The following SLC9B1 variants were observed in gnomAD, a reference collection of about 807,000 sequenced individuals.
SLC9B1 encodes solute carrier family 9 member B1, also known as sodium/hydrogen exchanger 9B1.
SLC9B1 carries 32 observed loss-of-function variants against 51.7 expected under a neutral mutation model. That is an observed-to-expected ratio of 0.62 (90% CI 0.47 to 0.83). The LOEUF (loss-of-function observed/expected upper bound fraction) is 0.83. SLC9B1 is among the 40% of genes least tolerant of loss of function. SLC9B1 has a pLI of 0.00. For missense variants in SLC9B1, 406 were observed against 613.2 expected, an observed-to-expected ratio of 0.66 and a Z score of 3.57; for synonymous variants, 145 against 212.7, an observed-to-expected ratio of 0.68 and a Z score of 2.77.
chr4:102,962,650 C>T (rs1446905081), intron 3 of SLC9B1: 2 of 468,936 alleles, frequency 4.3e-6, no homozygotes, highest in African/African-American at 4.0e-5. Flanking sequence ...TTGGGAGCTG[C>T]ATCAATCACA....
intron 1 of SLC9B1, chr4:103,015,069 CTG>C: frequency 6.6e-6 from 1 of 152,204 alleles, no homozygotes; most frequent in East Asian, 1.9e-4. Flanking sequence ...TATCCCAGCT[CTG>C]TAAGGCTACA....
rs1308976993 is a variant in SLC9B1 at position 102,991,679 on chromosome 4, C to T, written c.33G>A (p.Leu11=). The part of the protein sequence containing the change: MHTTESKNEH[L]EDENFQTSTT... ...TAGATGTTTGGAAGTTTTCATCCTC[C>T]AAATGTTCATTTTTTGATTCTGTGG... Residue 11 remains leucine (L), a synonymous_variant, in exon 2 of 12, where the codon TTG becomes TTA. Coordinates refer to ENST00000296422, the MANE Select transcript of SLC9B1 (RefSeq NM_139173.4). 1.9e-6 allele frequency: 3 copies of T among 1,589,050 alleles called. No homozygotes were observed. Among genetic ancestry groups the T allele is most frequent in the Non-Finnish European group, 2.6e-6 (3 of 1,165,952 alleles).
chr4:102,963,550 T>C (rs1738255095), intron 3 of SLC9B1, among the ~76,000 whole-genome samples: 1 of 152,222 alleles, frequency 6.6e-6, no homozygotes, highest in African/African-American at 2.4e-5. Flanking sequence ...CTCACTCCCT[T>C]TCTTCATGCT....
In SLC9B1 at chr4:103,019,689, G is replaced by A. The variant is rs1741651866; in HGVS notation, c.-92C>T. 2.0e-6 allele frequency: 2 copies of A among 985,530 alleles called. No homozygotes were observed. The highest frequency in any genetic ancestry group is 4.7e-5 in the South Asian group (1 of 21,308). The allele number at this position is 985,530 out of a possible 1,614,324, so 61.0% of individuals were successfully genotyped here. ...AGCCACGCGCCACCCAGGTGGGCAG[G>A]GTGGTGACGCGAAAGCCCGGATAGA... On this transcript the variant is annotated 5_prime_UTR_variant, in exon 1 of 12. Transcript: ENST00000296422.
At chr4:102,990,262 T>C (rs557423207) in intron 2 of SLC9B1, among the ~76,000 whole-genome samples, 6 of 152,158 alleles carry the variant, frequency 3.9e-5, no homozygotes, top group African/African-American at 1.4e-4. Flanking sequence ...CCAAAGATTA[T>C]TCACCAAAAC....
At chr4:102,979,540 A>G (rs149132644) in intron 3 of SLC9B1, among the ~76,000 whole-genome samples, 2 of 152,222 alleles carry the variant, frequency 1.3e-5, no homozygotes, top group Non-Finnish European at 2.9e-5. Flanking sequence ...AGCTTTCCAG[A>G]CAGGAGGAGA....
chr4:102,929,430 A>G (rs1157643341), intron 7 of SLC9B1, among the ~76,000 whole-genome samples: 1 of 152,222 alleles, frequency 6.6e-6, no homozygotes, highest in African/African-American at 2.4e-5. Flanking sequence ...GGAACTTAGA[A>G]CAAGAGCCAA....
At chr4:102,943,656 C>T (rs1353287585) in intron 6 of SLC9B1, among the ~76,000 whole-genome samples, 1 of 152,116 alleles carries the variant, frequency 6.6e-6, no homozygotes, top group Non-Finnish European at 1.5e-5. Flanking sequence ...AAAAACCAAA[C>T]ATTGTATGTT....
At chr4:102,885,170 T>A (rs1733842060) in exon 12 of SLC9B1, 1 of 1,456,056 alleles carries the variant, frequency 6.9e-7, no homozygotes, top group Non-Finnish European at 9.6e-7. Context: ...CTATTTTGAA[T>A]TCTTTTCCAA....
intron 9 of SLC9B1, among the ~76,000 whole-genome samples, chr4:102,910,095 A>G (rs1735267302): frequency 6.6e-6 from 1 of 152,158 alleles, no homozygotes; most frequent in Admixed American, 6.6e-5. Context: ...GATTACAGGC[A>G]TGAGCCACCG....
At chr4:102,968,651 G>A (rs1393916950) in intron 3 of SLC9B1, among the ~76,000 whole-genome samples, 1 of 152,212 alleles carries the variant, frequency 6.6e-6, no homozygotes, top group East Asian at 1.9e-4. Flanking sequence ...TCCAACTGAG[G>A]TACCTGGTTC....
chr4:102,989,672 G>T, intron 3 of SLC9B1, 128 bp downstream of exon 3: 1 of 530,486 alleles, frequency 1.9e-6, no homozygotes, highest in South Asian at 4.1e-5. Flanking sequence ...TTCACATATT[G>T]CTTGTAACAA....
intron 3 of SLC9B1, among the ~76,000 whole-genome samples, chr4:102,983,845 T>C (rs1183803320): frequency 6.6e-6 from 1 of 152,126 alleles, no homozygotes; most frequent in African/African-American, 2.4e-5. Context: ...TTTTGTTTCA[T>C]TGAATTTATT....
At chr4:102,950,976 CAA>C (rs976098699) in intron 3 of SLC9B1, among the ~76,000 whole-genome samples, 3 of 152,230 alleles carry the variant, frequency 2.0e-5, no homozygotes, top group African/African-American at 7.2e-5. Context: ...GCCTAGGTAA[CAA>C]GAGCAAAACT....
chr4:103,018,081 AC>A (rs1741488840), intron 1 of SLC9B1, among the ~76,000 whole-genome samples: 1 of 152,224 alleles, frequency 6.6e-6, no homozygotes, highest in Non-Finnish European at 1.5e-5. Flanking sequence ...TGTTCCAGGT[AC>A]TATTCAATCT....
chr4:102,932,089 G>T (rs1736486201), intron 7 of SLC9B1, 35 bp downstream of exon 7: 1 of 1,600,460 alleles, frequency 6.2e-7, no homozygotes, highest in Non-Finnish European at 8.5e-7. Context: ...AAAAGGTCAT[G>T]AATGATCTAG....
chr4:102,977,291 A>G (rs1293965749), intron 3 of SLC9B1, among the ~76,000 whole-genome samples: 7 of 125,546 alleles, frequency 5.6e-5, no homozygotes, highest in Non-Finnish European at 9.7e-5. Flanking sequence ...AGACAATATT[A>G]TAACTTAAAA....
chr4:102,962,967 T>C, intron 3 of SLC9B1: 2 of 462,340 alleles, frequency 4.3e-6, no homozygotes, highest in Middle Eastern at 3.3e-4. Flanking sequence ...ATGGAATCCA[T>C]CTTGAATGTT....
At chr4:102,959,580 C>T (rs1737989121) in intron 3 of SLC9B1, among the ~76,000 whole-genome samples, 1 of 152,126 alleles carries the variant, frequency 6.6e-6, no homozygotes, top group Non-Finnish European at 1.5e-5. Flanking sequence ...CTAATTACAT[C>T]ATGGATTCTC....
Sources: gnomAD v4.1 joint callset for allele counts (sites outside exome capture counted in the v4.1 genomes callset) on GRCh38, gnomAD v4.1.1 for gene constraint, MANE v1.5 for transcripts, NCBI Gene and HGNC (gene_info 2026-07-23, HGNC 2026-07-21) for gene names.